IL1RAPL1: variants seen among roughly 807,000 people sequenced by gnomAD.
The protein encoded by IL1RAPL1 is interleukin-1 receptor accessory protein-like 1.
A neutral mutation model predicts 48.4 loss-of-function variants in IL1RAPL1; 3 were observed. That is an observed-to-expected ratio of 0.06 (90% CI 0.03 to 0.16). The LOEUF is 0.16. IL1RAPL1 is among the 10% of genes least tolerant of loss of function. The probability of loss-of-function intolerance (pLI) is 1.00; values close to 1 mark genes in which losing one functional copy is unlikely to be tolerated. For missense variants in IL1RAPL1, 349 were observed against 530.6 expected (o/e 0.66, Z 3.36); for synonymous variants, 185 against 187.7 (o/e 0.99, Z 0.12).
At chrX:28,719,958 C>T (rs925031973) in intron 1 of IL1RAPL1, among the ~76,000 whole-genome samples, 5 of 110,251 alleles carry the variant, frequency 4.5e-5, no homozygotes, top group Non-Finnish European at 7.6e-5. Context: ...TAGCTTTGAC[C>T]GTAGAGTTTT....
chrX:29,430,670 T>C (rs1934411564), intron 5 of IL1RAPL1, among the ~76,000 whole-genome samples: 1 of 110,246 alleles, frequency 9.1e-6, no homozygotes, highest in African/African-American at 3.3e-5. Flanking sequence ...ATAAATTACA[T>C]GATAGATATA....
At chrX:28,868,593 G>T (rs1922134706) in intron 2 of IL1RAPL1, among the ~76,000 whole-genome samples, 1 of 110,882 alleles carries the variant, frequency 9.0e-6, no homozygotes, top group East Asian at 2.8e-4. Flanking sequence ...CCATTCTCTA[G>T]TTTCTTCCAG....
intron 3 of IL1RAPL1, among the ~76,000 whole-genome samples, chrX:29,388,006 A>T (rs1933803032): frequency 9.2e-6 from 1 of 108,650 alleles, no homozygotes; most frequent in African/African-American, 3.4e-5. Context: ...AAAAAAAAAG[A>T]AAAAAAGAAA....
chrX:29,252,266 A>C (rs185954900), intron 2 of IL1RAPL1, among the ~76,000 whole-genome samples: 19 of 104,704 alleles, frequency 1.8e-4, no homozygotes, highest in Non-Finnish European at 3.3e-4. Flanking sequence ...AAAGTACAAT[A>C]ATAGTAAAAG....
chrX:28,619,685 A>G (rs748059840), intron 1 of IL1RAPL1, among the ~76,000 whole-genome samples: 6 of 110,503 alleles, frequency 5.4e-5, no homozygotes, highest in Admixed American at 2.9e-4. Flanking sequence ...TGAGTGTGTC[A>G]TAATACTTAC....
rs755310910 is a variant in IL1RAPL1 at position 29,414,252 on chromosome X, A to T, written c.703+14944A>T. Among the ~76,000 whole-genome samples, 9 of 111,308 alleles carry T rather than the reference A, an allele frequency of 8.1e-5. No homozygotes were observed. In the South Asian group the frequency reaches 2.2e-3, roughly 28 times the overall value. ...GATTCAGTTTGGGATGATAAAAAAA[A>T]GTTCAAGAGATGGATAAAGGTGATG... On this transcript the variant is annotated intron_variant, in intron 5 of 10. Coordinates refer to ENST00000378993, the MANE Select transcript of IL1RAPL1 (RefSeq NM_014271.4).
intron 2 of IL1RAPL1, among the ~76,000 whole-genome samples, chrX:28,988,749 A>C (rs952845575): frequency 5.4e-5 from 6 of 112,019 alleles, no homozygotes; most frequent in Non-Finnish European, 9.4e-5. Flanking sequence ...CACTGTGGGT[A>C]AATTATTATG....
intron 7 of IL1RAPL1, among the ~76,000 whole-genome samples, chrX:29,918,144 A>AAAATAT (rs1555935868): frequency 8.4e-5 from 2 of 23,761 alleles, no homozygotes; most frequent in African/African-American, 2.4e-4. Flanking sequence ...AAAAAAAAAA[A>AAAATAT]ATATATATAT....
intron 2 of IL1RAPL1, among the ~76,000 whole-genome samples, chrX:29,231,015 A>G (rs1931192859): frequency 8.9e-6 from 1 of 112,103 alleles, no homozygotes; most frequent in Non-Finnish European, 1.9e-5. Flanking sequence ...CATCAGAAAA[A>G]AACAGAATCT....
At chrX:29,064,554 T>G (rs776095362) in intron 2 of IL1RAPL1, among the ~76,000 whole-genome samples, 3 of 108,284 alleles carry the variant, frequency 2.8e-5, no homozygotes, top group Non-Finnish European at 5.7e-5. Flanking sequence ...TGTTGTTGTT[T>G]TTTGTTTTTG....
At chrX:28,768,702 T>TC (rs1172729736) in intron 1 of IL1RAPL1, among the ~76,000 whole-genome samples, 2 of 66,891 alleles carry the variant, frequency 3.0e-5, no homozygotes, top group Non-Finnish European at 5.4e-5. Context: ...TCTCTCTCTG[T>TC]TTCTCTCTCT....
intron 5 of IL1RAPL1, among the ~76,000 whole-genome samples, chrX:29,412,449 T>C (rs753604851): frequency 8.9e-6 from 1 of 112,038 alleles, no homozygotes; most frequent in African/African-American, 3.2e-5. Context: ...ATGTAAAATA[T>C]GTGCTGGATT....
chrX:29,580,585 G>A (rs1057255397), intron 5 of IL1RAPL1, among the ~76,000 whole-genome samples: 3 of 111,626 alleles, frequency 2.7e-5, no homozygotes, highest in African/African-American at 9.8e-5. Context: ...TCCGTTATCC[G>A]TGGATCTTCT....
chrX:29,182,796 A>T (rs1027193126), intron 2 of IL1RAPL1, among the ~76,000 whole-genome samples: 2 of 111,718 alleles, frequency 1.8e-5, no homozygotes, highest in African/African-American at 6.5e-5. Context: ...AACTTTGCAG[A>T]TATGATTAAA....
chrX:29,262,962 A>C (rs1056344904), intron 2 of IL1RAPL1, among the ~76,000 whole-genome samples: 2 of 111,685 alleles, frequency 1.8e-5, no homozygotes, highest in Non-Finnish European at 3.8e-5. Context: ...AGTTACCAAA[A>C]TATTGGATGG....
intron 6 of IL1RAPL1, among the ~76,000 whole-genome samples, chrX:29,813,737 C>T (rs768874714): frequency 9.0e-6 from 1 of 110,722 alleles, no homozygotes; most frequent in South Asian, 3.8e-4. Context: ...ACTTTACCCC[C>T]CTTCCCCCGC....
intron 2 of IL1RAPL1, among the ~76,000 whole-genome samples, chrX:29,071,539 A>C (rs964399039): frequency 9.0e-6 from 1 of 111,465 alleles, no homozygotes; most frequent in Non-Finnish European, 1.9e-5. Flanking sequence ...CTTCATTTTC[A>C]CTCAATTGAA....
intron 6 of IL1RAPL1, among the ~76,000 whole-genome samples, chrX:29,727,926 C>A (rs1308269712): frequency 6.3e-5 from 7 of 110,783 alleles, no homozygotes; most frequent in Admixed American, 1.9e-4. Context: ...TCTTATTCTT[C>A]TTCTTGTTAT....
At position 28,659,518 on chromosome X, in the gene IL1RAPL1, C is replaced by G. The variant is rs1934791676; in HGVS notation, c.-25+71471C>G. On this transcript the variant is annotated intron_variant, in intron 1 of 10. Transcript: ENST00000378993. The stretch of plus-strand genomic sequence containing the variant: ...CCACCCTTCTCCTTCGGCTGGAGCT[C>G]GGCGAGCTAGAGGCGGCGCTGGCTA... The G allele has an allele frequency of 6.4e-6, 3 of 467,441 alleles. No individual in the cohort carries two copies. The East Asian group carries it at 1.2e-4, about 18-fold the overall frequency. 38.5% of individuals were successfully genotyped at this position (467,441 alleles called of 1,213,427 possible). A position where few individuals can be genotyped will look rare whatever the true frequency, so the allele number is the denominator to read the frequency against.
Sources: allele counts gnomAD v4.1 joint callset (sites outside exome capture counted in the v4.1 genomes callset), GRCh38; gene constraint gnomAD v4.1.1; transcripts MANE v1.5; gene names NCBI Gene and HGNC (gene_info 2026-07-23, HGNC 2026-07-21).